TMEM132D: variants seen among roughly 807,000 people sequenced by gnomAD.
The protein encoded by TMEM132D is mature OL transmembrane protein.
TMEM132D carries 21 observed loss-of-function variants against 62.3 expected under a neutral mutation model. The observed-to-expected ratio is 0.34, with a 90% CI of 0.24 to 0.49. The LOEUF (loss-of-function observed/expected upper bound fraction) is 0.49, where lower values mean the gene tolerates loss of function less well. Ranked by LOEUF, TMEM132D falls within the 20% of genes least tolerant of loss-of-function variation. The pLI is 0.99. For missense variants in TMEM132D, 1,346 were observed against 1,402.8 expected (o/e 0.96, Z 0.65); for synonymous variants, 621 against 575.6 (o/e 1.08, Z -1.13).
intron 4 of TMEM132D, among the ~76,000 whole-genome samples, chr12:129,234,008 G>T (rs1272833203): frequency 6.6e-6 from 1 of 152,138 alleles, no homozygotes; most frequent in African/African-American, 2.4e-5. Context: ...TTTAATGAGG[G>T]TTGTAAAGAT....
chr12:129,755,883 C>G (rs551527568), intron 1 of TMEM132D, among the ~76,000 whole-genome samples: 1 of 152,314 alleles, frequency 6.6e-6, no homozygotes, highest in African/African-American at 2.4e-5. Context: ...CATGCCCACC[C>G]TATCTCCAAC....
At chr12:129,130,347 G>A (rs573459746) in intron 5 of TMEM132D, among the ~76,000 whole-genome samples, 7 of 151,854 alleles carry the variant, frequency 4.6e-5, no homozygotes, top group South Asian at 2.1e-4. Context: ...CCCCCCGCCC[G>A]CCACAGGACT....
intron 4 of TMEM132D, among the ~76,000 whole-genome samples, chr12:129,219,908 C>G (rs142174377): frequency 6.6e-6 from 1 of 152,298 alleles, no homozygotes; most frequent in East Asian, 1.9e-4. Flanking sequence ...TTTGGGAGCA[C>G]AGTTCGCCTC....
intron 3 of TMEM132D, among the ~76,000 whole-genome samples, chr12:129,354,324 T>TAC (rs1431548303): frequency 6.6e-6 from 1 of 150,928 alleles, no homozygotes; most frequent in Non-Finnish European, 1.5e-5. Flanking sequence ...GGTATATATA[T>TAC]ATATATATAC....
At position 129,557,393 on chromosome 12, in the gene TMEM132D, G is replaced by C. The variant is rs117581648; in HGVS notation, c.969-26188C>G. Among the ~76,000 whole-genome samples the C allele has an allele frequency of 4.8e-3, 731 of 152,290 alleles. 14 individuals are homozygous for C. The South Asian group carries it at 0.055, about 11-fold the overall frequency. On this transcript the variant is annotated intron_variant, in intron 2 of 8. Transcript: ENST00000422113. The stretch of plus-strand genomic sequence containing the variant: ...AAATGAGGAGACGTGTTTAAGGGGT[G>C]AAGAGGTACAAACTTTCAGTTATAA...
rs371557088 is a variant in TMEM132D at position 129,745,955 on chromosome 12, T to A, written c.80-45257A>T. On this transcript the variant is annotated intron_variant, in intron 1 of 8. Transcript: ENST00000422113. Reference sequence around the variant, plus strand: ...CGGAAGGAGAATCCTGGAGAAACTCTTTGGTGACTCAGGCACAGGTCTGGG... The same window carrying A: ...CGGAAGGAGAATCCTGGAGAAACTCATTGGTGACTCAGGCACAGGTCTGGG... Among the ~76,000 whole-genome samples the A allele has an allele frequency of 5.3e-5, 8 of 152,264 alleles. No individual in the cohort carries two copies. The East Asian group carries it at 9.6e-4, about 18-fold the overall frequency.
At chr12:129,685,225 C>T (rs914088380) in intron 2 of TMEM132D, among the ~76,000 whole-genome samples, 3 of 152,140 alleles carry the variant, frequency 2.0e-5, no homozygotes, top group African/African-American at 7.2e-5. Context: ...TGTCAGAGAC[C>T]TTCACAGTAG....
At chr12:129,538,577 T>C (rs907028801) in intron 2 of TMEM132D, among the ~76,000 whole-genome samples, 6 of 152,130 alleles carry the variant, frequency 3.9e-5, no homozygotes, top group Non-Finnish European at 8.8e-5. Context: ...CACATACCTA[T>C]GATAAATTAA....
At chr12:129,114,472 C>T (rs1013315966) in intron 5 of TMEM132D, among the ~76,000 whole-genome samples, 1 of 151,396 alleles carries the variant, frequency 6.6e-6, no homozygotes, top group Non-Finnish European at 1.5e-5. Context: ...CTTCTCTTCT[C>T]CTTCCCTTCC....
At chr12:129,091,430 A>G (rs1874912506) in intron 5 of TMEM132D, among the ~76,000 whole-genome samples, 1 of 146,094 alleles carries the variant, frequency 6.8e-6, no homozygotes. Flanking sequence ...GACCTTACCT[A>G]TCCTCTCCTG....
At chr12:129,484,381 A>G (rs761678959) in intron 3 of TMEM132D, among the ~76,000 whole-genome samples, 3 of 152,184 alleles carry the variant, frequency 2.0e-5, no homozygotes, top group Non-Finnish European at 4.4e-5. Context: ...TATATTCTCT[A>G]CAGGGCTAGG....
At chr12:129,592,922 A>G (rs1214935038) in intron 2 of TMEM132D, among the ~76,000 whole-genome samples, 3 of 152,180 alleles carry the variant, frequency 2.0e-5, no homozygotes, top group African/African-American at 7.2e-5. Flanking sequence ...GTTTTCATGT[A>G]CATGTGCTGT....
chr12:129,281,009 C>T (rs1158139234), intron 4 of TMEM132D, among the ~76,000 whole-genome samples: 1 of 152,074 alleles, frequency 6.6e-6, no homozygotes, highest in African/African-American at 2.4e-5. Context: ...CATCTATACT[C>T]TTTACTCCTT....
chr12:129,535,501 T>C (rs1876356893), intron 2 of TMEM132D, among the ~76,000 whole-genome samples: 1 of 152,226 alleles, frequency 6.6e-6, no homozygotes, highest in Middle Eastern at 3.2e-3. Flanking sequence ...TTGAGTTCAT[T>C]ATCCAAAGCA....
At chr12:129,377,833 C>T (rs1300719118) in intron 3 of TMEM132D, among the ~76,000 whole-genome samples, 3 of 152,208 alleles carry the variant, frequency 2.0e-5, no homozygotes, top group Admixed American at 2.0e-4. Context: ...TTTTTCCCAT[C>T]CATATTTTCC....
At chr12:129,419,282 A>T (rs1363153482) in intron 3 of TMEM132D, among the ~76,000 whole-genome samples, 2 of 152,096 alleles carry the variant, frequency 1.3e-5, no homozygotes, top group Non-Finnish European at 2.9e-5. Context: ...ATCAGTAATG[A>T]CTGTGATGGG....
At chr12:129,383,304 T>C (rs1406726983) in intron 3 of TMEM132D, among the ~76,000 whole-genome samples, 1 of 152,220 alleles carries the variant, frequency 6.6e-6, no homozygotes, top group Non-Finnish European at 1.5e-5. Context: ...AGTTCTTAGA[T>C]GCTCACTAGA....
chr12:129,461,292 T>G (rs1873660112), intron 3 of TMEM132D, among the ~76,000 whole-genome samples: 1 of 152,114 alleles, frequency 6.6e-6, no homozygotes, highest in African/African-American at 2.4e-5. Context: ...GAAAGGGGAC[T>G]CTGGGAACCA....
At chr12:129,148,263 A>C (rs1003389464) in intron 5 of TMEM132D, among the ~76,000 whole-genome samples, 7 of 152,212 alleles carry the variant, frequency 4.6e-5, no homozygotes, top group Non-Finnish European at 1.0e-4. Context: ...GGGTGGCAGA[A>C]TAATGGCCCC....
Sources: allele counts gnomAD v4.1 joint callset (sites outside exome capture counted in the v4.1 genomes callset), GRCh38; gene constraint gnomAD v4.1.1; transcripts MANE v1.5; gene names NCBI Gene and HGNC (gene_info 2026-07-23, HGNC 2026-07-21).